The following HS3ST4 variants were observed in gnomAD, a reference collection of about 807,000 sequenced individuals.
The protein encoded by HS3ST4 is heparan sulfate glucosamine 3-O-sulfotransferase 4.
In HS3ST4, 17 loss-of-function variants were observed where a neutral mutation model predicts 29.2. The ratio of observed to expected loss-of-function variants is 0.58; its 90% CI spans 0.40 to 0.87. The LOEUF (loss-of-function observed/expected upper bound fraction) is 0.87. HS3ST4 is among the 40% of genes least tolerant of loss of function. The pLI is 0.00. For missense variants in HS3ST4, 627 were observed against 634.5 expected, an observed-to-expected ratio of 0.99 and a Z score of 0.13; for synonymous variants, 314 against 285.7, an observed-to-expected ratio of 1.10 and a Z score of -1.00.
chr16:26,059,852 G>A (rs936140628), intron 1 of HS3ST4, among the ~76,000 whole-genome samples: 77 of 151,976 alleles, frequency 5.1e-4, no homozygotes, highest in African/African-American at 1.8e-3. Context: ...ATCTTGGCTC[G>A]CTGCAACCTC....
chr16:25,867,309 T>C (rs1310887345), intron 1 of HS3ST4, among the ~76,000 whole-genome samples: 2 of 152,020 alleles, frequency 1.3e-5, no homozygotes, highest in Non-Finnish European at 2.9e-5. Flanking sequence ...AGGAGGGTGA[T>C]GAGGAAGTTA....
In HS3ST4 at chr16:26,014,007, A is replaced by AAATAAAT. The variant is rs1555478285; in HGVS notation, c.735-121603_735-121602insTAAATAA. On this transcript the variant is annotated intron_variant, in intron 1 of 1. Transcript: ENST00000331351. ...TGGCGACAGATAGCAACTCTGTCTC[A>AAATAAAT]AAATAAATAAATAAATAAATAAATA... is the stretch of plus-strand genomic sequence containing the variant. Among the ~76,000 whole-genome samples the AAATAAAT allele has an allele frequency of 1.3e-4, 19 of 145,648 alleles. No individual in the cohort carries two copies. In the East Asian group the frequency reaches 3.9e-3, roughly 30 times the overall value.
At chr16:25,995,600 C>T (rs1226069294) in intron 1 of HS3ST4, among the ~76,000 whole-genome samples, 1 of 152,174 alleles carries the variant, frequency 6.6e-6, no homozygotes, top group Non-Finnish European at 1.5e-5. Flanking sequence ...GGTTGTGTCT[C>T]AATCGTGTGC....
chr16:25,813,982 T>C (rs1003721544), intron 1 of HS3ST4, among the ~76,000 whole-genome samples: 1 of 152,162 alleles, frequency 6.6e-6, no homozygotes, highest in Non-Finnish European at 1.5e-5. Flanking sequence ...CAGAAAACAT[T>C]ATGTTGAGCA....
At chr16:25,790,012 G>A (rs1596571598) in intron 1 of HS3ST4, among the ~76,000 whole-genome samples, 1 of 152,156 alleles carries the variant, frequency 6.6e-6, no homozygotes, top group Admixed American at 6.5e-5. Flanking sequence ...ATTATAAACA[G>A]TGCTGCTATG....
chr16:25,888,194 G>A (rs1053997305), intron 1 of HS3ST4, among the ~76,000 whole-genome samples: 4 of 152,110 alleles, frequency 2.6e-5, no homozygotes, highest in African/African-American at 9.7e-5. Context: ...CACTGGAACG[G>A]TTAGGTCTTT....
chr16:25,844,131 TA>T (rs1036598391), intron 1 of HS3ST4, among the ~76,000 whole-genome samples: 2 of 152,208 alleles, frequency 1.3e-5, no homozygotes, highest in African/African-American at 4.8e-5. Flanking sequence ...AACAATAAAA[TA>T]AAATAGAAGT....
At chr16:25,938,462 G>C (rs1968539805) in intron 1 of HS3ST4, among the ~76,000 whole-genome samples, 1 of 152,110 alleles carries the variant, frequency 6.6e-6, no homozygotes, top group East Asian at 1.9e-4. Context: ...CCACAGGCAG[G>C]AGCTCGCACA....
chr16:25,807,610 G>C (rs1199558455), intron 1 of HS3ST4, among the ~76,000 whole-genome samples: 1 of 152,188 alleles, frequency 6.6e-6, no homozygotes. Context: ...TAAGGCTGCT[G>C]TGAAACTTTA....
Position 25,808,119 on chromosome 16 carries a change from G to A in HS3ST4, c.734+114968G>A, listed in dbSNP as rs78252036. ...TATTAGGATCTCTCACACAGCAAAA[G>A]TTTTTAATTTTGATGAAATTACAGT... On this transcript the variant is annotated intron_variant, in intron 1 of 1. Coordinates refer to ENST00000331351, the MANE Select transcript of HS3ST4 (RefSeq NM_006040.3). Among the ~76,000 whole-genome samples, 1,064 of 152,204 alleles carry A rather than the reference G, an allele frequency of 7.0e-3. 15 individuals carry two copies. The highest frequency in any genetic ancestry group is 0.024 in the African/African-American group (1,011 of 41,552).
chr16:26,055,141 G>A (rs1202686047), intron 1 of HS3ST4, among the ~76,000 whole-genome samples: 2 of 150,526 alleles, frequency 1.3e-5, no homozygotes, highest in Admixed American at 1.3e-4. Flanking sequence ...TCTTTAATGT[G>A]AATCATTCAT....
chr16:25,725,427 A>G (rs188436288), intron 1 of HS3ST4, among the ~76,000 whole-genome samples: 1 of 152,310 alleles, frequency 6.6e-6, no homozygotes, highest in Admixed American at 6.5e-5. Flanking sequence ...GAAAAATTAC[A>G]TTCTCCCATA....
At chr16:25,811,520 G>A (rs796465455) in intron 1 of HS3ST4, among the ~76,000 whole-genome samples, 8 of 139,040 alleles carry the variant, frequency 5.8e-5, no homozygotes, top group African/African-American at 8.1e-5. Context: ...TGCAACCTCC[G>A]CCTCCCAGGT....
chr16:25,743,667 A>G (rs1966668710), intron 1 of HS3ST4, among the ~76,000 whole-genome samples: 1 of 152,006 alleles, frequency 6.6e-6, no homozygotes, highest in Non-Finnish European at 1.5e-5. Flanking sequence ...CACCATGACC[A>G]TCTAATTTCT....
intron 1 of HS3ST4, among the ~76,000 whole-genome samples, chr16:25,957,633 G>A (rs1261256658): frequency 6.6e-6 from 1 of 152,152 alleles, no homozygotes; most frequent in African/African-American, 2.4e-5. Context: ...TGGCCAGGCT[G>A]GTCTTGAACT....
At chr16:25,904,874 C>T (rs778554870) in intron 1 of HS3ST4, among the ~76,000 whole-genome samples, 1 of 152,106 alleles carries the variant, frequency 6.6e-6, no homozygotes, top group African/African-American at 2.4e-5. Context: ...TTTTGGACAG[C>T]GCCTGGTACA....
intron 1 of HS3ST4, among the ~76,000 whole-genome samples, chr16:26,089,221 T>A (rs993524354): frequency 1.3e-5 from 2 of 152,122 alleles, no homozygotes; most frequent in African/African-American, 4.8e-5. Flanking sequence ...AAGGAGACAA[T>A]CTAGGACCCC....
chr16:25,874,074 T>G (rs1344282606), intron 1 of HS3ST4, among the ~76,000 whole-genome samples: 1 of 152,174 alleles, frequency 6.6e-6, no homozygotes, highest in East Asian at 1.9e-4. Context: ...CCATATGTTT[T>G]AATTCCCCTG....
chr16:25,779,457 T>A (rs1310413925), intron 1 of HS3ST4, among the ~76,000 whole-genome samples: 1 of 152,218 alleles, frequency 6.6e-6, no homozygotes, highest in Non-Finnish European at 1.5e-5. Context: ...TTTGTACCAA[T>A]CATTTCATTC....
Sources: gnomAD v4.1 joint callset for allele counts (sites outside exome capture counted in the v4.1 genomes callset) on GRCh38, gnomAD v4.1.1 for gene constraint, MANE v1.5 for transcripts, NCBI Gene and HGNC (gene_info 2026-07-23, HGNC 2026-07-21) for gene names.